GALNTL6: variants seen among roughly 807,000 people sequenced by gnomAD.
GALNTL6 encodes polypeptide N-acetylgalactosaminyltransferase-like 6.
GALNTL6 carries 46 observed loss-of-function variants against 73.7 expected under a neutral mutation model. That is an observed-to-expected ratio of 0.62 (90% CI 0.49 to 0.80). The LOEUF (loss-of-function observed/expected upper bound fraction) is 0.80, where lower values mean the gene tolerates loss of function less well. GALNTL6 is among the 30% of genes least tolerant of loss of function. GALNTL6 has a pLI of 0.00. For missense variants in GALNTL6, 604 were observed against 755.0 expected (o/e 0.80, Z 2.34); for synonymous variants, 259 against 263.7 (o/e 0.98, Z 0.17).
In GALNTL6 at chr4:172,241,659, C is replaced by A. The variant is rs577458981; in HGVS notation, c.247+11895C>A. Among the ~76,000 whole-genome samples, 279 of 152,210 alleles carry A rather than the reference C, an allele frequency of 1.8e-3. 2 individuals are homozygous for A. Among genetic ancestry groups the A allele is most frequent in the South Asian group, 0.01 (50 of 4,826 alleles). ...GGAAGGCTTCCAAAGAGAGGTAAAC[C>A]AAATGTTAAGGCATTAAGGCATATG... On this transcript the variant is annotated intron_variant, in intron 3 of 12. Coordinates refer to ENST00000506823, the MANE Select transcript of GALNTL6 (RefSeq NM_001034845.3).
intron 2 of GALNTL6, among the ~76,000 whole-genome samples, chr4:171,973,721 A>G (rs976765383): frequency 6.6e-6 from 1 of 152,210 alleles, no homozygotes; most frequent in African/African-American, 2.4e-5. Flanking sequence ...GGACCTAAGG[A>G]AGAGCAGTGT....
intron 5 of GALNTL6, among the ~76,000 whole-genome samples, chr4:172,748,646 A>G (rs1468146592): frequency 1.3e-5 from 2 of 152,140 alleles, no homozygotes; most frequent in Admixed American, 1.3e-4. Flanking sequence ...TGGTCAACAC[A>G]TACAAAGTTA....
intron 2 of GALNTL6, among the ~76,000 whole-genome samples, chr4:171,998,001 G>A (rs541727323): frequency 3.3e-5 from 5 of 152,214 alleles, no homozygotes; most frequent in Non-Finnish European, 5.9e-5. Flanking sequence ...TGTTTTGGGA[G>A]GCAGAGAAGA....
intron 2 of GALNTL6, among the ~76,000 whole-genome samples, chr4:172,160,760 C>T (rs1734433772): frequency 6.6e-6 from 1 of 151,446 alleles, no homozygotes; most frequent in South Asian, 2.1e-4. Flanking sequence ...ACTATAAATA[C>T]ATGTATAGTC....
intron 9 of GALNTL6, among the ~76,000 whole-genome samples, chr4:172,938,633 G>A (rs1447769433): frequency 1.3e-5 from 2 of 152,120 alleles, no homozygotes; most frequent in Admixed American, 1.3e-4. Context: ...CTCTCTTAAA[G>A]CTGCCCAGCA....
chr4:172,359,408 G>A (rs999403443), intron 5 of GALNTL6, among the ~76,000 whole-genome samples: 5 of 152,074 alleles, frequency 3.3e-5, no homozygotes, highest in African/African-American at 4.8e-5. Flanking sequence ...TTGGGTACTA[G>A]GCTTAGTACC....
At chr4:172,737,758 T>C (rs1046333985) in intron 5 of GALNTL6, among the ~76,000 whole-genome samples, 2 of 152,212 alleles carry the variant, frequency 1.3e-5, no homozygotes, top group African/African-American at 4.8e-5. Context: ...CCAGTTTTTA[T>C]TGAATACATT....
Position 172,809,379 on chromosome 4 carries a change from TG to T in GALNTL6, c.574del (p.Glu192LysfsTer10). 1 of 1,613,724 alleles carries T rather than the reference TG, an allele frequency of 6.2e-7. No individual in the cohort carries two copies. The highest frequency in any genetic ancestry group is 8.5e-7 in the Non-Finnish European group (1 of 1,179,768). ...TACCTAGAACACCTGAAGGATAAAT[TG>T]GAAGAATACATGGCCCGATTTTCCA... is the stretch of plus-strand genomic sequence containing the variant. The part of the protein sequence containing the change: ...FSEREHLKDK[L>X]EEYMARFSKV... On this transcript the variant is annotated frameshift_variant, in exon 6 of 13. Transcript: ENST00000506823. LOFTEE classifies it high-confidence loss of function. The surrounding 1 kb of genome is among the most constrained non-coding windows in gnomAD (Gnocchi z 4.4).
chr4:172,159,313 G>A (rs6835896), intron 2 of GALNTL6, among the ~76,000 whole-genome samples: 57 of 152,242 alleles, frequency 3.7e-4, no homozygotes, highest in Admixed American at 7.2e-4. Flanking sequence ...TGAGCAAATC[G>A]GTTATTGTCC....
chr4:171,873,144 A>G (rs116827089), intron 2 of GALNTL6, among the ~76,000 whole-genome samples: 1,598 of 152,300 alleles, frequency 0.01, 32 homozygotes, highest in African/African-American at 0.037. Flanking sequence ...ATTCAGGGAT[A>G]CAGCCAGTTT....
chr4:172,077,861 G>A (rs1428122750), intron 2 of GALNTL6, among the ~76,000 whole-genome samples: 1 of 152,086 alleles, frequency 6.6e-6, no homozygotes, highest in Admixed American at 6.6e-5. Context: ...TGGAGACCTA[G>A]GAGGAAAAAA....
rs563635868 is a variant in GALNTL6 at position 172,341,312 on chromosome 4, G to A, written c.387-7211G>A. The stretch of plus-strand genomic sequence containing the variant: ...TAAAAATACAAAAAATTAGCCGGGC[G>A]TAGTGGCGGGCGCCTGTAGTCCCAG... On this transcript the variant is annotated intron_variant, in intron 4 of 12. Transcript: ENST00000506823. Among the ~76,000 whole-genome samples the A allele has an allele frequency of 8.2e-4, 123 of 150,168 alleles. 1 individual carries two copies. Among genetic ancestry groups the A allele is most frequent in the African/African-American group, 2.9e-3 (118 of 41,008 alleles).
intron 5 of GALNTL6, among the ~76,000 whole-genome samples, chr4:172,761,801 C>G (rs1224042448): frequency 6.6e-6 from 1 of 152,092 alleles, no homozygotes; most frequent in South Asian, 2.1e-4. Flanking sequence ...TCCTGTTAAG[C>G]CTGTAGAACT....
At chr4:172,862,064 A>G (rs56297425) in intron 7 of GALNTL6, among the ~76,000 whole-genome samples, 11,124 of 152,284 alleles carry the variant, frequency 0.073, 580 homozygotes, top group African/African-American at 0.14. Flanking sequence ...TCAGAAGAAT[A>G]TAGAAAAATG....
At chr4:171,823,141 G>T (rs954470607) in intron 2 of GALNTL6, among the ~76,000 whole-genome samples, 2 of 152,066 alleles carry the variant, frequency 1.3e-5, no homozygotes, top group African/African-American at 4.8e-5. Context: ...GTATTCTCTT[G>T]ATTATAGTTA....
intron 5 of GALNTL6, among the ~76,000 whole-genome samples, chr4:172,550,065 A>T (rs1232749454): frequency 6.6e-6 from 1 of 152,010 alleles, no homozygotes; most frequent in Non-Finnish European, 1.5e-5. Flanking sequence ...GTTTGCTTCA[A>T]TTTTTTCTCA....
At chr4:172,965,779 G>A (rs1397399049) in intron 10 of GALNTL6, among the ~76,000 whole-genome samples, 2 of 151,722 alleles carry the variant, frequency 1.3e-5, no homozygotes, top group African/African-American at 4.8e-5. Context: ...TATAAATTTG[G>A]CAAACAAAAC....
At chr4:172,381,256 A>G (rs1326077090) in intron 5 of GALNTL6, among the ~76,000 whole-genome samples, 1 of 152,260 alleles carries the variant, frequency 6.6e-6, no homozygotes, top group Non-Finnish European at 1.5e-5. Context: ...TTTTGTAATG[A>G]AAGGCTTATT....
chr4:171,820,751 C>T lies in GALNTL6; in HGVS notation c.138+6033C>T, dbSNP rs775616516. 6.6e-5 allele frequency among the ~76,000 whole-genome samples: 10 copies of T among 152,174 alleles called. No homozygotes were observed. In the East Asian group the frequency reaches 1.4e-3, roughly 21 times the overall value. On this transcript the variant is annotated intron_variant, in intron 2 of 12. Coordinates refer to ENST00000506823, the MANE Select transcript of GALNTL6 (RefSeq NM_001034845.3). ...TGGCACAGATTATAAATAGGAGAGT[C>T]GCTGTTATAATGTAATATAATTAAC...
Sources: gnomAD v4.1 joint callset for allele counts (sites outside exome capture counted in the v4.1 genomes callset) on GRCh38, gnomAD v4.1.1 for gene constraint, Gnocchi (gnomAD v3.1) non-coding constraint, MANE v1.5 for transcripts, NCBI Gene and HGNC (gene_info 2026-07-23, HGNC 2026-07-21) for gene names.